Variants in ADAMTS20 observed in about 807,000 individuals in gnomAD.
ADAMTS20 encodes the protein A disintegrin and metalloproteinase with thrombospondin motifs 20.
ADAMTS20 carries 225 observed loss-of-function variants against 260.1 expected under a neutral mutation model. The ratio of observed to expected loss-of-function variants is 0.87; its 90% CI spans 0.78 to 0.97. ADAMTS20 has a LOEUF of 0.97. Ranked by LOEUF, ADAMTS20 falls within the 50% of genes least tolerant of loss-of-function variation. ADAMTS20 has a pLI of 0.00. For missense variants in ADAMTS20, 2,400 were observed against 2,337.7 expected, an observed-to-expected ratio of 1.03 and a Z score of -0.55; for synonymous variants, 802 against 769.5, an observed-to-expected ratio of 1.04 and a Z score of -0.70.
intron 4 of ADAMTS20, among the ~76,000 whole-genome samples, chr12:43,501,055 C>CTTTTTTTTTTTTTTTTTTTTTTTTT (rs79075751): frequency 3.8e-5 from 4 of 104,882 alleles, no homozygotes; most frequent in Non-Finnish European, 7.3e-5. Context: ...CTATGTAATT[C>CTTTTTTTTTTTTTTTTTTTTTTTTT]TTTTTTTTTT....
rs1046883505 is a variant in ADAMTS20, at chr12:43,452,692, T to G, written c.1764A>C (p.Pro588=). Residue 588 remains proline (P), a synonymous_variant, in exon 13 of 39, where the codon CCA becomes CCC. Transcript: ENST00000389420. ...SATRRCNRPE[P]RNGGNYCVGR... ...CCACACAGTAATTTCCTCCGTTTCTTGGCCTAGTCAAATTCATTACATTTT... is the reference window on the plus strand; with the variant it reads ...CCACACAGTAATTTCCTCCGTTTCTGGGCCTAGTCAAATTCATTACATTTT... 1.3e-6 allele frequency: 2 copies of G among 1,599,880 alleles called. No individual in the cohort carries two copies. The highest frequency in any genetic ancestry group is 2.7e-5 in the African/African-American group (2 of 74,774).
At chr12:43,484,729 A>C (rs1942495886) in intron 7 of ADAMTS20, among the ~76,000 whole-genome samples, 1 of 152,162 alleles carries the variant, frequency 6.6e-6, no homozygotes, top group Non-Finnish European at 1.5e-5. Flanking sequence ...AGGTGTTCCT[A>C]AGAGAGAAGA....
chr12:43,382,858 CAGAA>C (rs1261348844), intron 31 of ADAMTS20, among the ~76,000 whole-genome samples: 1 of 151,592 alleles, frequency 6.6e-6, no homozygotes, highest in Non-Finnish European at 1.5e-5. Context: ...GATCAGACAT[CAGAA>C]AGAAAAGAAA....
Position 43,508,536 on chromosome 12 carries a change from A to G in ADAMTS20, c.614-6131T>C, listed in dbSNP as rs534732183. On this transcript the variant is annotated intron_variant, in intron 3 of 38. Transcript: ENST00000389420. ...ATGAACAAAATCTAGCCATATGTTA[A>G]CTAATCAGTAGCATGGCTGGGATTC... 2.0e-5 allele frequency among the ~76,000 whole-genome samples: 3 copies of G among 152,206 alleles called. No individual in the cohort carries two copies. In the East Asian group the frequency reaches 5.8e-4, roughly 29 times the overall value.
Position 43,551,066 on chromosome 12 carries a change from AAGGATGCATCGGCGGTC to A in ADAMTS20, c.279_295del (p.Thr94SerfsTer57), listed in dbSNP as rs779277127. ...CACCTCGGTGTAGCCGGCGGCCAGAAAGGATGCATCGGCGGTCAGGTTCAGCTGGAAGAGCTGCCCGT... is the reference window on the plus strand; with the variant it reads ...CACCTCGGTGTAGCCGGCGGCCAGAAAGGTTCAGCTGGAAGAGCTGCCCGT... On this transcript the variant is annotated frameshift_variant, in exon 2 of 39. Coordinates refer to ENST00000389420, the MANE Select transcript of ADAMTS20 (RefSeq NM_025003.5). LOFTEE classifies it high-confidence loss of function. The surrounding 1 kb of genome is among the most constrained non-coding windows in gnomAD (Gnocchi z 4.6). 3.1e-6 allele frequency: 5 copies of A among 1,613,606 alleles called. No homozygotes were observed. Among genetic ancestry groups the A allele is most frequent in the Non-Finnish European group, 4.2e-6 (5 of 1,179,788 alleles).
Position 43,431,433 on chromosome 12 carries a change from G to C in ADAMTS20, c.3160C>G (p.His1054Asp), listed in dbSNP as rs779648002. 6.2e-7 allele frequency: 1 copy of C among 1,613,964 alleles called. No homozygotes were observed. Among genetic ancestry groups the C allele is most frequent in the Admixed American group, 1.7e-5 (1 of 60,024 alleles). ...GAATTACAGAAGCCATCACTCAAGT[G>C]ATCTACATTCAGCTGACACCATACC... ...RQVWCQLNVD[H>D]LSDGFCNSST... Residue 1054 changes from histidine to aspartate, a missense_variant, in exon 22 of 39, where the codon CAC becomes GAC. Coordinates refer to ENST00000389420, the MANE Select transcript of ADAMTS20 (RefSeq NM_025003.5).
At chr12:43,522,576 T>A (rs1383140485) in intron 3 of ADAMTS20, among the ~76,000 whole-genome samples, 1 of 152,206 alleles carries the variant, frequency 6.6e-6, no homozygotes, top group African/African-American at 2.4e-5. Flanking sequence ...CACAGACTGG[T>A]TGTGATCTGC....
Position 43,412,776 on chromosome 12 carries a change from T to C in ADAMTS20, c.4284+12738A>G, listed in dbSNP as rs1456074071. 2.0e-5 allele frequency among the ~76,000 whole-genome samples: 3 copies of C among 151,828 alleles called. No individual in the cohort carries two copies. In the East Asian group the frequency reaches 5.8e-4, roughly 29 times the overall value. On this transcript the variant is annotated intron_variant, in intron 28 of 38. Transcript: ENST00000389420. ...AATAAAGAGGTTGCCCTTAGATAGATTCTCTAGTTAGCAGAATAGGAAATA... is the reference window on the plus strand; with the variant it reads ...AATAAAGAGGTTGCCCTTAGATAGACTCTCTAGTTAGCAGAATAGGAAATA...
chr12:43,408,697 A>G (rs1354296181), intron 28 of ADAMTS20, among the ~76,000 whole-genome samples: 1 of 152,194 alleles, frequency 6.6e-6, no homozygotes, highest in Non-Finnish European at 1.5e-5. Context: ...CTGAGGGGAG[A>G]ATGTTTTAGA....
chr12:43,458,059 G>T (rs536130509), intron 11 of ADAMTS20, among the ~76,000 whole-genome samples: 2 of 152,296 alleles, frequency 1.3e-5, no homozygotes, highest in East Asian at 3.9e-4. Context: ...TGCCAAAGGT[G>T]GTGGGGGCAC....
At position 43,464,897 on chromosome 12, in the gene ADAMTS20, C is replaced by T. The variant is rs535334286; in HGVS notation, c.1368-165G>A. The stretch of plus-strand genomic sequence containing the variant: ...CAATATCAGTATAGCAATGTTCGTA[C>T]ACATAAGGATGACCTCACAGTTTAC... On this transcript the variant is annotated intron_variant, in intron 9 of 38. Transcript: ENST00000389420. Among the ~76,000 whole-genome samples, 4 of 152,172 alleles carry T rather than the reference C, an allele frequency of 2.6e-5. No homozygotes were observed. In the South Asian group the frequency reaches 8.3e-4, roughly 32 times the overall value.
intron 28 of ADAMTS20, among the ~76,000 whole-genome samples, chr12:43,403,455 A>T (rs1011301353): frequency 2.0e-5 from 3 of 152,098 alleles, no homozygotes; most frequent in African/African-American, 7.2e-5. Context: ...AGTAGGGGGA[A>T]ACATACAGGT....
At chr12:43,365,614 C>T (rs1385890012) in intron 37 of ADAMTS20, among the ~76,000 whole-genome samples, 1 of 151,854 alleles carries the variant, frequency 6.6e-6, no homozygotes, top group Non-Finnish European at 1.5e-5. Flanking sequence ...ACGTAACAAA[C>T]TCTATGAATA....
chr12:43,370,717 C>G (rs992861995), intron 36 of ADAMTS20, among the ~76,000 whole-genome samples: 1 of 152,106 alleles, frequency 6.6e-6, no homozygotes, highest in Non-Finnish European at 1.5e-5. Flanking sequence ...TCTTTTTCTC[C>G]AAATTTATTT....
intron 11 of ADAMTS20, 38 bp downstream of exon 11, chr12:43,462,857 A>G (rs970364013): frequency 1.8e-5 from 27 of 1,510,362 alleles, no homozygotes; most frequent in Non-Finnish European, 2.4e-5. Context: ...TCCTTGGATA[A>G]TATCTTCATA....
rs1261533990 is a variant in ADAMTS20, at chr12:43,452,351, G to C, written c.2002C>G (p.Leu668Val). The change falls in exon 14 of 39, where the codon CTA becomes GTA. Residue 668 changes from leucine (L) to valine (V), a missense_variant. Transcript: ENST00000389420. ...CQVAGTNYFY[L>V]LKDMVEDGTP... Reference sequence around the variant, plus strand: ...CCATCTTCAACCATATCCTTCAATAGGTAGAAATAATTGGTTCCAGCAACC... The same window carrying C: ...CCATCTTCAACCATATCCTTCAATACGTAGAAATAATTGGTTCCAGCAACC... The C allele has an allele frequency of 1.9e-6, 3 of 1,613,196 alleles. No homozygotes were observed. The highest frequency in any genetic ancestry group is 2.5e-6 in the Non-Finnish European group (3 of 1,179,560).
chr12:43,460,602 C>T (rs1370249843), intron 11 of ADAMTS20, among the ~76,000 whole-genome samples: 2 of 151,954 alleles, frequency 1.3e-5, no homozygotes, highest in African/African-American at 4.8e-5. Flanking sequence ...GAAACACAAA[C>T]GTATGTCTAC....
rs771055711 is a variant in ADAMTS20 at position 43,532,035 on chromosome 12, C to A, written c.613+1G>T. ...GAAAAGAGTTCTATTTCACAGTTTA[C>A]CTGACACACTGCAATACTTCAGAGT... is the stretch of plus-strand genomic sequence containing the variant. On this transcript the variant is annotated splice_donor_variant, in intron 3 of 38. Coordinates refer to ENST00000389420, the MANE Select transcript of ADAMTS20 (RefSeq NM_025003.5). LOFTEE classifies it high-confidence loss of function. 1 of 1,555,744 alleles carries A rather than the reference C, an allele frequency of 6.4e-7. No individual in the cohort carries two copies. The highest frequency in any genetic ancestry group is 8.7e-7 in the Non-Finnish European group (1 of 1,149,540).
rs145410374 is a variant in ADAMTS20, at chr12:43,360,470, T to C, written c.5539-3882A>G. ...TCTCAAAAAAATAAATAAAAATAAA[T>C]TTTAAAATAAGCATAAAAAGACAAA... On this transcript the variant is annotated intron_variant, in intron 37 of 38. Transcript: ENST00000389420. Among the ~76,000 whole-genome samples, 4 of 151,786 alleles carry C rather than the reference T, an allele frequency of 2.6e-5. No homozygotes were observed. In the East Asian group the frequency reaches 5.8e-4, roughly 22 times the overall value.
Sources: allele counts gnomAD v4.1 joint callset (sites outside exome capture counted in the v4.1 genomes callset), GRCh38; gene constraint gnomAD v4.1.1; non-coding constraint Gnocchi (gnomAD v3.1); transcripts MANE v1.5; gene names NCBI Gene and HGNC (gene_info 2026-07-23, HGNC 2026-07-21).